Variants in IFNLR1 observed in about 807,000 individuals in gnomAD.
IFNLR1 encodes interferon lambda receptor 1.
IFNLR1 carries 28 observed loss-of-function variants against 52.5 expected under a neutral mutation model. That is an observed-to-expected ratio of 0.53 (90% CI 0.40 to 0.73). The LOEUF (loss-of-function observed/expected upper bound fraction) is 0.73. Among genes scored for constraint, IFNLR1 ranks in the 30% least tolerant of loss-of-function variants. The pLI is 0.00. For missense variants in IFNLR1, 623 were observed against 659.1 expected (o/e 0.95, Z 0.60); for synonymous variants, 276 against 274.9 (o/e 1.00, Z -0.04).
chr1:24,164,072 T>G (rs1401334106), intron 3 of IFNLR1, among the ~76,000 whole-genome samples: 1 of 152,002 alleles, frequency 6.6e-6, no homozygotes, highest in East Asian at 1.9e-4. Flanking sequence ...AAAACTAAAG[T>G]TTTCTGCTCC....
At position 24,169,298 on chromosome 1, in the gene IFNLR1, G is replaced by T. The variant is rs74480198; in HGVS notation, c.367+119C>A. The T allele has an allele frequency of 0.011, 9,961 of 926,716 alleles. 622 individuals are homozygous for T. The African/African-American group carries it at 0.14, about 13-fold the overall frequency. The allele number at this position is 926,716 out of a possible 1,614,324, so 57.4% of individuals were successfully genotyped here. ...CTCAAAGGGCCTGGCCCAGGGAGCT[G>T]CCCTCTGCTTTGGGGAAGTGGGAGA... On this transcript the variant is annotated intron_variant, in intron 3 of 6. Transcript: ENST00000327535.
chr1:24,154,235 C>T lies in IFNLR1; in HGVS notation c.*2895G>A, dbSNP rs1276856695. On this transcript the variant is annotated 3_prime_UTR_variant, in exon 7 of 7. Coordinates refer to ENST00000327535, the MANE Select transcript of IFNLR1 (RefSeq NM_170743.4). ...GTAATACCAACAAGCAGTAGGATAT[C>T]GTTTAAATATGACATAAACATAGAA... 1 of 151,942 alleles carries T rather than the reference C, an allele frequency of 6.6e-6. No individual in the cohort carries two copies. The highest frequency in any genetic ancestry group is 1.5e-5 in the Non-Finnish European group (1 of 68,002). 9.4% of individuals were successfully genotyped at this position (151,942 alleles called of 1,614,324 possible).
At chr1:24,185,208 T>C (rs1644725116) in intron 1 of IFNLR1, among the ~76,000 whole-genome samples, 1 of 152,150 alleles carries the variant, frequency 6.6e-6, no homozygotes, top group Non-Finnish European at 1.5e-5. Flanking sequence ...TCTCAGCTAT[T>C]AAGTTGTAGA....
intron 3 of IFNLR1, among the ~76,000 whole-genome samples, chr1:24,162,764 C>CTT (rs1250896357): frequency 1.4e-3 from 46 of 32,564 alleles, no homozygotes; most frequent in East Asian, 2.6e-3. Flanking sequence ...TTCTTTCTTT[C>CTT]TTTCTTTCTT....
At chr1:24,162,863 C>CT (rs1341349198) in intron 3 of IFNLR1, among the ~76,000 whole-genome samples, 24 of 76,472 alleles carry the variant, frequency 3.1e-4, no homozygotes, top group Non-Finnish European at 5.4e-4. Context: ...TTCTTTCTTT[C>CT]TTTCTTTCTT....
At chr1:24,185,828 T>A (rs567953361) in intron 1 of IFNLR1, among the ~76,000 whole-genome samples, 4 of 152,326 alleles carry the variant, frequency 2.6e-5, no homozygotes, top group African/African-American at 9.6e-5. Context: ...GGCACTAGTT[T>A]GGCTCTTTAC....
intron 2 of IFNLR1, among the ~76,000 whole-genome samples, chr1:24,177,029 C>T (rs1174407149): frequency 6.6e-6 from 1 of 152,036 alleles, no homozygotes; most frequent in Non-Finnish European, 1.5e-5. Context: ...AGAAAACCTT[C>T]CTAAAATAAA....
At chr1:24,180,934 C>A in intron 1 of IFNLR1, 80 bp from the exon 2 acceptor site, 1 of 1,469,170 alleles carries the variant, frequency 6.8e-7, no homozygotes, top group Non-Finnish European at 9.2e-7. Context: ...AGGGGCAGCA[C>A]GAAGGGCAAG....
intron 2 of IFNLR1, among the ~76,000 whole-genome samples, chr1:24,176,160 G>A (rs1644630958): frequency 6.6e-6 from 1 of 152,146 alleles, no homozygotes; most frequent in African/African-American, 2.4e-5. Context: ...GCAATAAAAA[G>A]GAATTAACTA....
chr1:24,169,608 G>A lies in IFNLR1; in HGVS notation c.183-7C>T, dbSNP rs750327742. ...CCGTCTACGGGTGGGAGAGCTGGGGGAGGAGAGAGGAGAGCTTGGGCCATG... is the reference window on the plus strand; with the variant it reads ...CCGTCTACGGGTGGGAGAGCTGGGGAAGGAGAGAGGAGAGCTTGGGCCATG... On this transcript the variant is annotated splice_polypyrimidine_tract_variant and splice_region_variant and intron_variant, in intron 2 of 6. Transcript: ENST00000327535. The A allele has an allele frequency of 2.7e-5, 43 of 1,609,912 alleles. No individual in the cohort carries two copies. In the Admixed American group the frequency reaches 2.9e-4, roughly 11 times the overall value.
At position 24,169,282 on chromosome 1, in the gene IFNLR1, C is replaced by T. The variant is rs960180591; in HGVS notation, c.367+135G>A. 7 of 779,220 alleles carry T rather than the reference C, an allele frequency of 9.0e-6. No homozygotes were observed. In the East Asian group the frequency reaches 1.9e-4, roughly 21 times the overall value. The allele number at this position is 779,220 out of a possible 1,614,324, so 48.3% of individuals were successfully genotyped here. A position where few individuals can be genotyped will look rare whatever the true frequency, so the allele number is the denominator to read the frequency against. The stretch of plus-strand genomic sequence containing the variant: ...TGGTCCCACACCCCATCTCAAAGGG[C>T]CTGGCCCAGGGAGCTGCCCTCTGCT... On this transcript the variant is annotated intron_variant, in intron 3 of 6. Transcript: ENST00000327535.
intron 2 of IFNLR1, among the ~76,000 whole-genome samples, chr1:24,170,140 G>A (rs1189243557): frequency 6.6e-6 from 1 of 152,206 alleles, no homozygotes; most frequent in Non-Finnish European, 1.5e-5. Flanking sequence ...GCAGCGAGAA[G>A]GCACCATCTT....
At chr1:24,162,868 T>TTCCTTCCTTCC (rs1644473479) in intron 3 of IFNLR1, among the ~76,000 whole-genome samples, 1 of 58,044 alleles carries the variant, frequency 1.7e-5, no homozygotes, top group South Asian at 7.2e-4. Flanking sequence ...TCTTTCTTTC[T>TTCCTTCCTTCC]TTCTTTCTTT....
In IFNLR1 at chr1:24,157,020, C is replaced by T; in HGVS notation, c.*110G>A. 5 of 1,310,164 alleles carry T rather than the reference C, an allele frequency of 3.8e-6. No homozygotes were observed. The highest frequency in any genetic ancestry group is 5.3e-6 in the Non-Finnish European group (5 of 952,218). 81.2% of individuals were successfully genotyped at this position (1,310,164 alleles called of 1,614,324 possible). A position where few individuals can be genotyped will look rare whatever the true frequency, so the allele number is the denominator to read the frequency against. On this transcript the variant is annotated 3_prime_UTR_variant, in exon 7 of 7. Coordinates refer to ENST00000327535, the MANE Select transcript of IFNLR1 (RefSeq NM_170743.4). The surrounding 1 kb of genome is among the most constrained non-coding windows in gnomAD (Gnocchi z 5.1). The stretch of plus-strand genomic sequence containing the variant: ...AGGTGGACTTCCCGGAAGTGCAATG[C>T]CCCTCCGCCGCCCAGGGGAGGTACG...
At chr1:24,178,050 C>T (rs945960129) in intron 2 of IFNLR1, among the ~76,000 whole-genome samples, 3 of 151,942 alleles carry the variant, frequency 2.0e-5, no homozygotes, top group Non-Finnish European at 2.9e-5. Flanking sequence ...TTTGGGAGGC[C>T]GAGGGGGGCA....
chr1:24,185,459 C>A (rs1488987306), intron 1 of IFNLR1, among the ~76,000 whole-genome samples: 3 of 152,216 alleles, frequency 2.0e-5, no homozygotes, highest in Admixed American at 1.3e-4. Context: ...TGAAGTGTCC[C>A]ATGTGCCATG....
At chr1:24,162,699 T>C (rs1340424395) in intron 3 of IFNLR1, among the ~76,000 whole-genome samples, 1 of 28,242 alleles carries the variant, frequency 3.5e-5, no homozygotes, top group East Asian at 3.5e-3. Context: ...GAACTCACTT[T>C]TCTTTTCTTT....
chr1:24,157,568 G>T lies in IFNLR1; in HGVS notation c.1125C>A (p.Val375=). Residue 375 remains valine, a synonymous_variant, in exon 7 of 7, where the codon GTC becomes GTA. Transcript: ENST00000327535. The surrounding 1 kb of genome is among the most constrained non-coding windows in gnomAD (Gnocchi z 5.1). ...VDSGRPRAPL[V]PSEGSSAWDS... ...CCCAAGCAGAGGAGCCTTCGCTTGG[G>T]ACCAGAGGAGCCCTGGGCCTCCCTG... 6.2e-7 allele frequency: 1 copy of T among 1,612,224 alleles called. No individual in the cohort carries two copies. Among genetic ancestry groups the T allele is most frequent in the Non-Finnish European group, 8.5e-7 (1 of 1,179,190 alleles).
At position 24,157,161 on chromosome 1, in the gene IFNLR1, C is replaced by A; in HGVS notation, c.1532G>T (p.Gly511Val). ...GGCCATGTAATGCCCCAATGTCCGGCCCCTGTCCTCGGTCCTCTGGGTGCT... is the reference window on the plus strand; with the variant it reads ...GGCCATGTAATGCCCCAATGTCCGGACCCTGTCCTCGGTCCTCTGGGTGCT... Reference protein sequence around the residue: ...AESTQRTEDRGRTLGHYMAR With the variant: ...AESTQRTEDRVRTLGHYMAR Residue 511 changes from glycine (G) to valine (V), a missense_variant, in exon 7 of 7, where the codon GGC becomes GTC. Physicochemically the swap from Gly to Val is moderately radical, Grantham distance 109. Transcript: ENST00000327535. This position sits in a 1 kb window ranked among gnomAD's most constrained non-coding sequence, Gnocchi z 5.1. The A allele has an allele frequency of 1.2e-6, 2 of 1,613,400 alleles. No individual in the cohort carries two copies. Among genetic ancestry groups the A allele is most frequent in the Non-Finnish European group, 1.7e-6 (2 of 1,179,794 alleles).
Sources: allele counts gnomAD v4.1 joint callset (sites outside exome capture counted in the v4.1 genomes callset), GRCh38; gene constraint gnomAD v4.1.1; non-coding constraint Gnocchi (gnomAD v3.1); transcripts MANE v1.5; gene names NCBI Gene and HGNC (gene_info 2026-07-23, HGNC 2026-07-21).